The following ZNF594 variants were observed in gnomAD, a reference collection of about 807,000 sequenced individuals.
ZNF594 encodes the protein zinc finger protein 594.
For synonymous variants in ZNF594, 336 were observed against 309.4 expected, an observed-to-expected ratio of 1.09 and a Z score of -0.90; for missense variants, 1,037 against 964.6, an observed-to-expected ratio of 1.08 and a Z score of -0.99.
downstream of ZNF594, among the ~76,000 whole-genome samples, chr17:5,175,874 T>C (rs2074303618): frequency 6.6e-6 from 1 of 152,012 alleles, no homozygotes; most frequent in Non-Finnish European, 1.5e-5. Context: ...TGTTCACCTA[T>C]AAAGTTAAAA....
At position 5,181,789 on chromosome 17, in the gene ZNF594, C is replaced by G; in HGVS notation, c.*44G>C. 1 of 1,611,866 alleles carries G rather than the reference C, an allele frequency of 6.2e-7. No homozygotes were observed. The highest frequency in any genetic ancestry group is 8.5e-7 in the Non-Finnish European group (1 of 1,178,346). ...AGATCTGAGCTGCTCCTAAAAGATT[C>G]CCCACATTTATTGCATACGTAAGGT... On this transcript the variant is annotated 3_prime_UTR_variant, in exon 2 of 2. Coordinates refer to ENST00000575779, the MANE Select transcript of ZNF594 (RefSeq NM_032530.2).
chr17:5,183,946 C>T lies in ZNF594; in HGVS notation c.311G>A (p.Ser104Asn), dbSNP rs1402343609. 16 of 1,613,852 alleles carry T rather than the reference C, an allele frequency of 9.9e-6. No individual in the cohort carries two copies. The highest frequency in any genetic ancestry group is 5.3e-5 in the African/African-American group (4 of 74,926). Residue 104 changes from serine to asparagine, a missense_variant, in exon 2 of 2, where the codon AGT becomes AAT. Coordinates refer to ENST00000575779, the MANE Select transcript of ZNF594 (RefSeq NM_032530.2). ...AGESSHRYEV[S>N]GQNFKQKSGL... is the part of the protein sequence containing the mutation. ...TGACTTCTGTTTGAAGTTTTGGCCACTAACCTCATATCTATGGGAGCTTTC... is the reference window on the plus strand; with the variant it reads ...TGACTTCTGTTTGAAGTTTTGGCCATTAACCTCATATCTATGGGAGCTTTC...
chr17:5,177,561 G>A (rs537919534), downstream of ZNF594, among the ~76,000 whole-genome samples: 10 of 151,906 alleles, frequency 6.6e-5, no homozygotes, highest in South Asian at 6.2e-4. Context: ...AAATACAGCC[G>A]GGCACTGTGG....
chr17:5,183,878 AG>A lies in ZNF594; in HGVS notation c.378del (p.Tyr127MetfsTer16). On this transcript the variant is annotated frameshift_variant, in exon 2 of 2. Transcript: ENST00000575779. LOFTEE classifies it low-confidence loss of function (END_TRUNC). ...EHQKIHNINK[T>X]YECKECEKTF... ...GTTTTTTCACATTCCTTACATTCAT[AG>A]GTCTTATTTATATTATGAATTTTCT... 1 of 1,613,478 alleles carries A rather than the reference AG, an allele frequency of 6.2e-7. No individual in the cohort carries two copies. The highest frequency in any genetic ancestry group is 8.5e-7 in the Non-Finnish European group (1 of 1,179,874).
Position 5,183,726 on chromosome 17 carries a change from A to G in ZNF594, c.531T>C (p.His177=), listed in dbSNP as rs1224514910. The part of the protein sequence containing the change: ...SSNLIIHQRI[H]TGKKPYICHE... ...GACATATATAAGGTTTCTTTCCTGT[A>G]TGAATTCTCTGATGTATAATAAGAT... The change falls in exon 2 of 2, where the codon CAT becomes CAC. Residue 177 remains histidine, a synonymous_variant. Coordinates refer to ENST00000575779, the MANE Select transcript of ZNF594 (RefSeq NM_032530.2). 6.2e-7 allele frequency: 1 copy of G among 1,611,494 alleles called. No homozygotes were observed. The highest frequency in any genetic ancestry group is 1.4e-5 in the African/African-American group (1 of 73,364).
chr17:5,184,838 A>G (rs1322763296), intron 1 of ZNF594, among the ~76,000 whole-genome samples: 1 of 152,236 alleles, frequency 6.6e-6, no homozygotes, highest in Non-Finnish European at 1.5e-5. Flanking sequence ...GCAAAGGAGA[A>G]ATGTTTACAG....
At chr17:5,174,124 C>G in the ZNF594 span, 1 of 200,304 alleles carries the variant, frequency 5.0e-6, no homozygotes, top group Non-Finnish European at 1.0e-5. Context: ...TGATATTTGT[C>G]TTTTTTTAAA....
chr17:5,181,751 A>C lies in ZNF594; in HGVS notation c.*82T>G. 6.3e-7 allele frequency: 1 copy of C among 1,598,584 alleles called. No individual in the cohort carries two copies. ...GAGGTTTCTCTCCAGTATGAACACGATGGTGTTTAATAAGATCTGAGCTGC... is the reference window on the plus strand; with the variant it reads ...GAGGTTTCTCTCCAGTATGAACACGCTGGTGTTTAATAAGATCTGAGCTGC... On this transcript the variant is annotated 3_prime_UTR_variant, in exon 2 of 2. Transcript: ENST00000575779.
intron 1 of ZNF594, among the ~76,000 whole-genome samples, chr17:5,184,942 TATATC>T (rs1169031795): frequency 6.6e-6 from 1 of 152,180 alleles, no homozygotes. Context: ...TTCCTCCCTA[TATATC>T]ATGATAGTTA....
intron 1 of ZNF594, among the ~76,000 whole-genome samples, chr17:5,189,895 A>G (rs2074410322): frequency 6.6e-6 from 1 of 152,240 alleles, no homozygotes; most frequent in African/African-American, 2.4e-5. Context: ...ATGGAAGGGC[A>G]AATAAAAAGC....
rs2074346267 is a variant in ZNF594 at position 5,182,072 on chromosome 17, G to T, written c.2185C>A (p.Leu729Met). Residue 729 changes from leucine to methionine, a missense_variant, in exon 2 of 2, where the codon CTG (leucine) becomes ATG (methionine). Physicochemically the swap from Leu to Met is conservative, Grantham distance 15. Coordinates refer to ENST00000575779, the MANE Select transcript of ZNF594 (RefSeq NM_032530.2). ...TCTTCAAGTTTCTCTCCAGCATGCA[G>T]TCTCTGATGTTTGAGGAAAGCCGTG... The part of the protein sequence containing the change: ...WHTAFLKHQR[L>M]HAGEKLEECE... 6.2e-7 allele frequency: 1 copy of T among 1,613,528 alleles called. No homozygotes were observed. Among genetic ancestry groups the T allele is most frequent in the Non-Finnish European group, 8.5e-7 (1 of 1,179,976 alleles).
At position 5,181,685 on chromosome 17, in the gene ZNF594, G is replaced by T. The variant is rs192572100; in HGVS notation, c.*148C>A. ...GGATTTTCTGGTGTGTGACAAGGTG[G>T]GACCTCTGGCTAAAGACTTTCCCAC... On this transcript the variant is annotated 3_prime_UTR_variant, in exon 2 of 2. Coordinates refer to ENST00000575779, the MANE Select transcript of ZNF594 (RefSeq NM_032530.2). 618 of 1,570,684 alleles carry T rather than the reference G, an allele frequency of 3.9e-4. 1 individual carries two copies. Among genetic ancestry groups the T allele is most frequent in the Non-Finnish European group, 5.2e-4 (599 of 1,141,418 alleles).
downstream of ZNF594, among the ~76,000 whole-genome samples, chr17:5,177,696 G>T (rs1349486982): frequency 2.0e-5 from 3 of 152,012 alleles, no homozygotes; most frequent in African/African-American, 7.3e-5. Context: ...AATTAGCCGG[G>T]GTGGTGGCAC....
Position 5,182,740 on chromosome 17 carries a change from T to C in ZNF594, c.1517A>G (p.His506Arg), listed in dbSNP as rs200447677. 208 of 1,613,976 alleles carry C rather than the reference T, an allele frequency of 1.3e-4. 1 individual carries two copies. Among genetic ancestry groups the C allele is most frequent in the East Asian group, 8.0e-4 (36 of 44,848 alleles). The change falls in exon 2 of 2, where the codon CAT becomes CGT. Residue 506 changes from histidine to arginine, a missense_variant. Physicochemically the swap from His to Arg is conservative, Grantham distance 29. Transcript: ENST00000575779. ...AFRRRSLLIQHRRIHSGEKPY... is the reference protein window; with the variant it reads ...AFRRRSLLIQRRRIHSGEKPY... ...TTTCTCACCACTATGAATTCTCCGA[T>C]GTTGAATAAGGAGTGAACGCCGCCT... is the stretch of plus-strand genomic sequence containing the variant.
In ZNF594 at chr17:5,183,737, GATGT is replaced by G; in HGVS notation, c.516_519del (p.His173ArgfsTer26). On this transcript the variant is annotated frameshift_variant, in exon 2 of 2. Coordinates refer to ENST00000575779, the MANE Select transcript of ZNF594 (RefSeq NM_032530.2). LOFTEE classifies it low-confidence loss of function (END_TRUNC). ...GGTTTCTTTCCTGTATGAATTCTCT[GATGT>G]ATAATAAGATTTGAACTTTGATTAG... 6.2e-7 allele frequency: 1 copy of G among 1,610,674 alleles called. No individual in the cohort carries two copies. The highest frequency in any genetic ancestry group is 8.5e-7 in the Non-Finnish European group (1 of 1,179,170).
intron 1 of ZNF594, among the ~76,000 whole-genome samples, chr17:5,190,694 G>A (rs2074416436): frequency 6.6e-6 from 1 of 152,170 alleles, no homozygotes; most frequent in Non-Finnish European, 1.5e-5. Context: ...GACTTTTGAA[G>A]TGTGATACCC....
chr17:5,190,105 AC>A (rs1365062489), intron 1 of ZNF594, among the ~76,000 whole-genome samples: 20 of 152,304 alleles, frequency 1.3e-4, no homozygotes, highest in African/African-American at 4.8e-4. Flanking sequence ...AGTGGCTCAC[AC>A]CTGTAATTCC....
In ZNF594 at chr17:5,183,525, A is replaced by G. The variant is rs769254777; in HGVS notation, c.732T>C (p.Cys244=). The change falls in exon 2 of 2, where the codon TGT becomes TGC. Residue 244 remains cysteine (C), a synonymous_variant. Transcript: ENST00000575779. ...CTGTGCTTTGACTGAAAGCCTTCCC[A>G]CATTTATTGCATAAATATGGCTTCC... ...SRGKPYLCNK[C]GKAFSQSTDL... 5.6e-6 allele frequency: 9 copies of G among 1,614,086 alleles called. No individual in the cohort carries two copies. The East Asian group carries it at 1.8e-4, about 32-fold the overall frequency.
rs914727678 is a variant in ZNF594, at chr17:5,183,964, G to T, written c.293C>A (p.Ser98Tyr). ...TTGGCCACTAACCTCATATCTATGG[G>T]AGCTTTCTCCTGCAGAAAGTATTTT... The part of the protein sequence containing the change: ...GEKILSAGES[S>Y]HRYEVSGQNF... Residue 98 changes from serine (S) to tyrosine (Y), a missense_variant, in exon 2 of 2, where the codon TCC becomes TAC. Coordinates refer to ENST00000575779, the MANE Select transcript of ZNF594 (RefSeq NM_032530.2). 2 of 1,614,008 alleles carry T rather than the reference G, an allele frequency of 1.2e-6. No homozygotes were observed. Among genetic ancestry groups the T allele is most frequent in the Non-Finnish European group, 1.7e-6 (2 of 1,180,022 alleles).
Sources: allele counts gnomAD v4.1 joint callset (sites outside exome capture counted in the v4.1 genomes callset), GRCh38; gene constraint gnomAD v4.1.1; transcripts MANE v1.5; gene names NCBI Gene and HGNC (gene_info 2026-07-23, HGNC 2026-07-21).